Variants in DTNA observed in about 807,000 individuals in gnomAD.
DTNA encodes dystrobrevin alpha, also known as dystrophin-related protein 3.
In DTNA, 43 loss-of-function variants were observed where a neutral mutation model predicts 100.7. The ratio of observed to expected loss-of-function variants is 0.43; its 90% CI spans 0.33 to 0.55. The LOEUF (loss-of-function observed/expected upper bound fraction) is 0.55. Among genes scored for constraint, DTNA ranks in the 20% least tolerant of loss-of-function variants. DTNA has a pLI of 0.04. For missense variants in DTNA, 798 were observed against 953.9 expected (o/e 0.84, Z 2.15); for synonymous variants, 349 against 347.9 (o/e 1.00, Z -0.04).
chr18:34,768,531 T>A (rs997346511), intron 3 of DTNA, among the ~76,000 whole-genome samples: 3 of 152,162 alleles, frequency 2.0e-5, no homozygotes, highest in African/African-American at 7.2e-5. Flanking sequence ...AGAAAGGCAC[T>A]TTCTCATTCT....
At chr18:34,866,963 AG>A in intron 17 of DTNA, 1 of 1,158,264 alleles carries the variant, frequency 8.6e-7, no homozygotes, top group South Asian at 4.5e-5. Context: ...AAGAGCCAGC[AG>A]GGGGAGCAGC....
intron 16 of DTNA, 44 bp downstream of exon 16, chr18:34,858,442 C>G (rs2150056484): frequency 1.3e-5 from 20 of 1,588,540 alleles, no homozygotes; most frequent in Non-Finnish European, 1.7e-5. Flanking sequence ...ATATATGTGT[C>G]AGATCTTTGA....
At chr18:34,571,514 G>C (rs1208374038) in intron 1 of DTNA, among the ~76,000 whole-genome samples, 1 of 152,096 alleles carries the variant, frequency 6.6e-6, no homozygotes, top group Non-Finnish European at 1.5e-5. Context: ...GCTGAAGCAG[G>C]AGGATGGCTT....
At chr18:34,866,961 G>A (rs2096711994) in intron 17 of DTNA, 1 of 1,162,108 alleles carries the variant, frequency 8.6e-7, no homozygotes, top group Non-Finnish European at 1.0e-6. Flanking sequence ...TCAAGAGCCA[G>A]CAGGGGGAGC....
At chr18:34,530,595 C>T (rs1198126030) in intron 1 of DTNA, among the ~76,000 whole-genome samples, 1 of 152,100 alleles carries the variant, frequency 6.6e-6, no homozygotes, top group Non-Finnish European at 1.5e-5. Flanking sequence ...TATACTACCA[C>T]TAATAATAAT....
At chr18:34,801,677 A>T (rs996661561) in intron 4 of DTNA, among the ~76,000 whole-genome samples, 2 of 151,682 alleles carry the variant, frequency 1.3e-5, no homozygotes, top group Non-Finnish European at 2.9e-5. Flanking sequence ...TGCCCGGCTA[A>T]TTTTTTGTAT....
At chr18:34,721,860 C>T (rs1304533381) in intron 1 of DTNA, among the ~76,000 whole-genome samples, 1 of 152,106 alleles carries the variant, frequency 6.6e-6, no homozygotes, top group Non-Finnish European at 1.5e-5. Flanking sequence ...CCTTGCCTAT[C>T]GGAGACATAA....
intron 1 of DTNA, among the ~76,000 whole-genome samples, chr18:34,546,591 G>A (rs1166191644): frequency 1.3e-5 from 2 of 152,002 alleles, no homozygotes; most frequent in South Asian, 2.1e-4. Context: ...CATAATCAAT[G>A]CATCCAACAT....
intron 16 of DTNA, 129 bp from the exon 17 acceptor site, chr18:34,863,837 C>T: frequency 1.2e-6 from 1 of 838,004 alleles, no homozygotes; most frequent in Non-Finnish European, 2.0e-6. Flanking sequence ...CAACAGTTCC[C>T]TGCCTGGTAA....
chr18:34,654,731 T>C (rs1471636138), intron 1 of DTNA, among the ~76,000 whole-genome samples: 1 of 151,844 alleles, frequency 6.6e-6, no homozygotes, highest in African/African-American at 2.4e-5. Flanking sequence ...AATCTGTAAA[T>C]AATTTTTTTT....
At chr18:34,509,417 T>C (rs1437946878) in intron 1 of DTNA, among the ~76,000 whole-genome samples, 1 of 152,130 alleles carries the variant, frequency 6.6e-6, no homozygotes, top group Non-Finnish European at 1.5e-5. Flanking sequence ...TTTCCCCTAC[T>C]GTGTTCGGTG....
intron 1 of DTNA, among the ~76,000 whole-genome samples, chr18:34,534,825 T>C (rs1044328818): frequency 9.9e-5 from 15 of 152,200 alleles, no homozygotes; most frequent in Admixed American, 6.5e-4. Flanking sequence ...CATGAACTTA[T>C]TCTTTTTAAT....
In DTNA at chr18:34,680,764, T is replaced by A. The variant is rs1265954865; in HGVS notation, c.-1-75212T>A. 2.6e-5 allele frequency among the ~76,000 whole-genome samples: 4 copies of A among 152,190 alleles called. No homozygotes were observed. In the East Asian group the frequency reaches 7.7e-4, roughly 29 times the overall value. On this transcript the variant is annotated intron_variant, in intron 1 of 19. Transcript: ENST00000283365. ...CATCAAAAATACCAGTAAATCAATT[T>A]GCCTAGTGTAACAGTTACTCTAGAA...
intron 1 of DTNA, among the ~76,000 whole-genome samples, chr18:34,641,883 C>A (rs2059318176): frequency 6.6e-6 from 1 of 152,124 alleles, no homozygotes; most frequent in African/African-American, 2.4e-5. Flanking sequence ...TACATGCGTG[C>A]TGACTTTCAT....
intron 9 of DTNA, among the ~76,000 whole-genome samples, chr18:34,827,005 A>T (rs1193584376): frequency 6.6e-6 from 1 of 152,216 alleles, no homozygotes; most frequent in Non-Finnish European, 1.5e-5. Flanking sequence ...TGTACACCAC[A>T]TACTCTATCA....
chr18:34,717,784 G>C (rs1445505442), intron 1 of DTNA, among the ~76,000 whole-genome samples: 1 of 152,078 alleles, frequency 6.6e-6, no homozygotes, highest in East Asian at 1.9e-4. Flanking sequence ...GTGTTCAATA[G>C]GAAGCTGGGG....
intron 1 of DTNA, among the ~76,000 whole-genome samples, chr18:34,592,651 A>C (rs966753119): frequency 4.6e-5 from 7 of 152,220 alleles, no homozygotes; most frequent in Middle Eastern, 6.8e-3. Context: ...TTTCTCTAAC[A>C]GAAAATGCAC....
chr18:34,877,934 T>G, intron 19 of DTNA, 126 bp downstream of exon 19: 1 of 937,290 alleles, frequency 1.1e-6, no homozygotes, highest in Non-Finnish European at 1.6e-6. Context: ...ATGTGATATT[T>G]TGTTGGTCTA....
intron 14 of DTNA, among the ~76,000 whole-genome samples, chr18:34,850,344 G>A (rs1390017259): frequency 6.6e-6 from 1 of 152,128 alleles, no homozygotes; most frequent in Non-Finnish European, 1.5e-5. Flanking sequence ...CTTATGTAAT[G>A]AAATCAGAAG....
Sources: allele counts gnomAD v4.1 joint callset (sites outside exome capture counted in the v4.1 genomes callset), GRCh38; gene constraint gnomAD v4.1.1; transcripts MANE v1.5; gene names NCBI Gene and HGNC (gene_info 2026-07-23, HGNC 2026-07-21).